HOMER1: variants seen among roughly 807,000 people sequenced by gnomAD.
The protein encoded by HOMER1 is homer scaffold protein 1.
In HOMER1, 3 loss-of-function variants were observed where a neutral mutation model predicts 48.9. The observed-to-expected ratio is 0.06, with a 90% CI of 0.03 to 0.16. HOMER1 has a LOEUF of 0.16. HOMER1 is among the 10% of genes least tolerant of loss of function. The probability of loss-of-function intolerance (pLI) is 1.00; values close to 1 mark genes in which losing one functional copy is unlikely to be tolerated. For synonymous variants in HOMER1, 134 were observed against 146.4 expected (o/e 0.92, Z 0.61); for missense variants, 247 against 411.4 (o/e 0.60, Z 3.46).
chr5:79,386,902 TTTCC>T (rs1179685650), intron 8 of HOMER1, among the ~76,000 whole-genome samples: 12 of 151,708 alleles, frequency 7.9e-5, no homozygotes, highest in Middle Eastern at 3.4e-3. Flanking sequence ...ATCAGCTTAA[TTTCC>T]TTCCTTCCTC....
intron 8 of HOMER1, among the ~76,000 whole-genome samples, chr5:79,392,499 A>C (rs1749277062): frequency 6.6e-6 from 1 of 152,254 alleles, no homozygotes; most frequent in Non-Finnish European, 1.5e-5. Flanking sequence ...TAAAGAAAAT[A>C]GTTTTCTACA....
At chr5:79,505,772 A>T (rs1160540898) in intron 1 of HOMER1, among the ~76,000 whole-genome samples, 2 of 152,352 alleles carry the variant, frequency 1.3e-5, no homozygotes, top group East Asian at 3.9e-4. Context: ...GGGGTTTTAT[A>T]AACAATTTTA....
rs539462547 is a variant in HOMER1 at position 79,455,438 on chromosome 5, C to T, written c.162+1424G>A. Among the ~76,000 whole-genome samples, 23 of 152,300 alleles carry T rather than the reference C, an allele frequency of 1.5e-4. No homozygotes were observed. In the South Asian group the frequency reaches 1.9e-3, roughly 12 times the overall value. Reference sequence around the variant, plus strand: ...TCACGAGATCTGATGGTTTTATACGCATCTGGCATTTCCCCTGCTTGCTCT... The same window carrying T: ...TCACGAGATCTGATGGTTTTATACGTATCTGGCATTTCCCCTGCTTGCTCT... On this transcript the variant is annotated intron_variant, in intron 2 of 8. Coordinates refer to ENST00000334082, the MANE Select transcript of HOMER1 (RefSeq NM_004272.5).
At chr5:79,394,017 C>T (rs1369031614) in intron 8 of HOMER1, among the ~76,000 whole-genome samples, 1 of 152,092 alleles carries the variant, frequency 6.6e-6, no homozygotes, top group Non-Finnish European at 1.5e-5. Flanking sequence ...TGATTTTATA[C>T]TAACCTTGCT....
chr5:79,485,877 A>G (rs1049110377), intron 1 of HOMER1, among the ~76,000 whole-genome samples: 1 of 152,184 alleles, frequency 6.6e-6, no homozygotes, highest in Non-Finnish European at 1.5e-5. Context: ...TTATTTCCCT[A>G]TCAAGAGGTA....
At chr5:79,447,250 A>C (rs1258076973) in intron 3 of HOMER1, 105 bp from the exon 4 acceptor site, 2 of 679,636 alleles carry the variant, frequency 2.9e-6, no homozygotes, top group Admixed American at 2.4e-5. Flanking sequence ...ACTCTACACA[A>C]GCAATATAGC....
intron 6 of HOMER1, 59 bp downstream of exon 6, chr5:79,401,840 C>G: frequency 6.5e-7 from 1 of 1,539,504 alleles, no homozygotes; most frequent in Non-Finnish European, 8.9e-7. Flanking sequence ...ATGCAAATTT[C>G]TTCTGATCAA....
chr5:79,482,837 A>C (rs12654303), intron 1 of HOMER1, among the ~76,000 whole-genome samples: 11,820 of 151,652 alleles, frequency 0.078, 1,024 homozygotes, highest in East Asian at 0.23. Flanking sequence ...CTCTAAAAAA[A>C]TATTAAAAAA....
At chr5:79,509,443 T>C (rs1255183668) in intron 1 of HOMER1, among the ~76,000 whole-genome samples, 2 of 151,756 alleles carry the variant, frequency 1.3e-5, no homozygotes, top group Admixed American at 6.6e-5. Context: ...ACTGTGATAG[T>C]TCTGAAATAG....
chr5:79,406,422 AAGGC>A (rs1749664457), intron 5 of HOMER1, among the ~76,000 whole-genome samples: 1 of 152,314 alleles, frequency 6.6e-6, no homozygotes, highest in South Asian at 2.1e-4. Context: ...AAGCATTTCT[AAGGC>A]TCTTGGGAGC....
chr5:79,438,560 T>A (rs1750655629), intron 5 of HOMER1, among the ~76,000 whole-genome samples: 1 of 152,100 alleles, frequency 6.6e-6, no homozygotes, highest in African/African-American at 2.4e-5. Flanking sequence ...CGTGGTGAGA[T>A]CATCTCAAAG....
At position 79,373,524 on chromosome 5, in the gene HOMER1, A is replaced by G. The variant is rs529954600; in HGVS notation, c.*2485T>C. On this transcript the variant is annotated 3_prime_UTR_variant, in exon 9 of 9. Transcript: ENST00000334082. ...GGGAAAAATCAAATTTTAATATGCA[A>G]ATGTTTATATAATACAGAAATGGAA... 15 of 151,838 alleles carry G rather than the reference A, an allele frequency of 9.9e-5. No individual in the cohort carries two copies. The highest frequency in any genetic ancestry group is 1.9e-4 in the Non-Finnish European group (13 of 67,856). 9.4% of individuals were successfully genotyped at this position (151,838 alleles called of 1,614,324 possible). A position where few individuals can be genotyped will look rare whatever the true frequency, so the allele number is the denominator to read the frequency against.
chr5:79,489,033 A>C (rs1401398034), intron 1 of HOMER1, among the ~76,000 whole-genome samples: 2 of 152,222 alleles, frequency 1.3e-5, no homozygotes, highest in Non-Finnish European at 2.9e-5. Context: ...AGTGAATGCC[A>C]GGCATTCTGT....
chr5:79,480,456 C>T (rs1751915646), intron 1 of HOMER1, among the ~76,000 whole-genome samples: 1 of 152,120 alleles, frequency 6.6e-6, no homozygotes, highest in Non-Finnish European at 1.5e-5. Flanking sequence ...AGACTAACTC[C>T]AAAGCCCATA....
chr5:79,509,886 A>G (rs1424560180), intron 1 of HOMER1, among the ~76,000 whole-genome samples: 1 of 152,224 alleles, frequency 6.6e-6, no homozygotes, highest in Non-Finnish European at 1.5e-5. Flanking sequence ...GTTTAAAAAA[A>G]GAAGGTTGTA....
intron 5 of HOMER1, among the ~76,000 whole-genome samples, chr5:79,432,632 ATG>A (rs1296089173): frequency 5.9e-5 from 9 of 152,338 alleles, no homozygotes; most frequent in Non-Finnish European, 2.9e-5. Context: ...TCTTTAGAGA[ATG>A]AAGGTCAGTT....
At chr5:79,497,893 G>C (rs539794720) in intron 1 of HOMER1, among the ~76,000 whole-genome samples, 1 of 152,178 alleles carries the variant, frequency 6.6e-6, no homozygotes, top group Admixed American at 6.5e-5. Context: ...CATGCCCTGG[G>C]AATCTGTTAG....
chr5:79,428,852 C>T (rs1030518545), intron 5 of HOMER1, among the ~76,000 whole-genome samples: 3 of 152,090 alleles, frequency 2.0e-5, no homozygotes, highest in South Asian at 4.1e-4. Context: ...ACATTTTGGC[C>T]GTGAGCTCCA....
At chr5:79,427,209 T>A (rs1430379053) in intron 5 of HOMER1, among the ~76,000 whole-genome samples, 1 of 152,214 alleles carries the variant, frequency 6.6e-6, no homozygotes, top group Non-Finnish European at 1.5e-5. Flanking sequence ...GACATTTATA[T>A]AATGCAATAA....
Sources: gnomAD v4.1 joint callset for allele counts (sites outside exome capture counted in the v4.1 genomes callset) on GRCh38, gnomAD v4.1.1 for gene constraint, MANE v1.5 for transcripts, NCBI Gene and HGNC (gene_info 2026-07-23, HGNC 2026-07-21) for gene names.